SPSB1: variants seen among roughly 807,000 people sequenced by gnomAD.
SPSB1 encodes SPRY domain-containing SOCS box protein 1.
SPSB1 carries 8 observed loss-of-function variants against 21.2 expected under a neutral mutation model. The ratio of observed to expected loss-of-function variants is 0.38; its 90% CI spans 0.22 to 0.68. The LOEUF is 0.68. Among genes scored for constraint, SPSB1 ranks in the 30% least tolerant of loss-of-function variants. The probability of loss-of-function intolerance (pLI) is 0.53; values close to 1 mark genes in which losing one functional copy is unlikely to be tolerated. For synonymous variants in SPSB1, 169 were observed against 161.7 expected (o/e 1.05, Z -0.34); for missense variants, 242 against 377.8 (o/e 0.64, Z 2.98).
rs917812552 is a variant in SPSB1, at chr1:9,305,887, C to CA, written c.-150+12817dup. Among the ~76,000 whole-genome samples, 1 of 152,084 alleles carries CA rather than the reference C, an allele frequency of 6.6e-6. No individual in the cohort carries two copies. The highest frequency in any genetic ancestry group is 1.5e-5 in the Non-Finnish European group (1 of 68,012). ...TCAGGGTATCAGAGGACACTGGTGG[C>CA]AGGGGTGGCCAGGTTGGAAAGGCGG... On this transcript the variant is annotated intron_variant, in intron 1 of 2. Transcript: ENST00000328089. This position sits in a 1 kb window ranked among gnomAD's most constrained non-coding sequence, Gnocchi z 4.8.
chr1:9,368,970 T>G lies in SPSB1; in HGVS notation c.*1395T>G, dbSNP rs1640620657. 1 of 152,576 alleles carries G rather than the reference T, an allele frequency of 6.6e-6. No individual in the cohort carries two copies. The highest frequency in any genetic ancestry group is 1.5e-5 in the Non-Finnish European group (1 of 68,038). 9.5% of individuals were successfully genotyped at this position (152,576 alleles called of 1,614,324 possible). On this transcript the variant is annotated 3_prime_UTR_variant, in exon 3 of 3. Transcript: ENST00000328089. ...TCTTTGAGCTTGAAGTTAACTCTCT[T>G]AGAGTCTAACTTTGGTTCATTTCTG...
chr1:9,328,873 C>T (rs773217808), intron 1 of SPSB1, among the ~76,000 whole-genome samples: 11 of 152,186 alleles, frequency 7.2e-5, no homozygotes, highest in Non-Finnish European at 1.6e-4. Context: ...ATATCCCTGG[C>T]CCCCACCCAC....
Position 9,293,210 on chromosome 1 carries a change from G to A in SPSB1, c.-150+139G>A. 1 of 938,322 alleles carries A rather than the reference G, an allele frequency of 1.1e-6. No individual in the cohort carries two copies. The highest frequency in any genetic ancestry group is 1.3e-6 in the Non-Finnish European group (1 of 788,114). 58.1% of individuals were successfully genotyped at this position (938,322 alleles called of 1,614,324 possible). A position where few individuals can be genotyped will look rare whatever the true frequency, so the allele number is the denominator to read the frequency against. On this transcript the variant is annotated intron_variant, in intron 1 of 2. Transcript: ENST00000328089. The surrounding 1 kb of genome is among the most constrained non-coding windows in gnomAD (Gnocchi z 5.1). ...TGGGTGGCGCGGGGCCGGGCGCGGG[G>A]GAGCGGGTGGAGTACGGGATGGGGA...
Position 9,356,193 on chromosome 1 carries a change from A to T in SPSB1, c.302A>T (p.Gln101Leu), listed in dbSNP as rs768338858. 1 of 1,588,752 alleles carries T rather than the reference A, an allele frequency of 6.3e-7. No homozygotes were observed. Among genetic ancestry groups the T allele is most frequent in the Non-Finnish European group, 8.6e-7 (1 of 1,165,318 alleles). ...TATACCCGTGGGCTGCACGTGTGGC[A>T]GATCACGTGGGCCATGAGACAGCGG... ...VGYTRGLHVWQITWAMRQRGT... is the reference protein window; with the variant it reads ...VGYTRGLHVWLITWAMRQRGT... The change falls in exon 2 of 3, where the codon CAG (glutamine) becomes CTG (leucine). Residue 101 changes from glutamine (Q) to leucine (L), a missense_variant. Physicochemically the swap from Gln to Leu is moderately radical, Grantham distance 113. Coordinates refer to ENST00000328089, the MANE Select transcript of SPSB1 (RefSeq NM_025106.4). This position sits in a 1 kb window ranked among gnomAD's most constrained non-coding sequence, Gnocchi z 7.4.
intron 1 of SPSB1, among the ~76,000 whole-genome samples, chr1:9,349,383 G>T (rs1212628540): frequency 1.3e-5 from 2 of 152,388 alleles, no homozygotes; most frequent in South Asian, 4.1e-4. Flanking sequence ...GGCACGATGG[G>T]GCCAGAGCTG....
At chr1:9,306,032 C>T (rs1034464116) in intron 1 of SPSB1, among the ~76,000 whole-genome samples, 3 of 152,118 alleles carry the variant, frequency 2.0e-5, no homozygotes, top group Non-Finnish European at 4.4e-5. Flanking sequence ...GGAACGAAGG[C>T]GTGTTGGGGA....
At chr1:9,342,945 GTC>G (rs1320988079) in intron 1 of SPSB1, among the ~76,000 whole-genome samples, 2 of 152,182 alleles carry the variant, frequency 1.3e-5, no homozygotes, top group Non-Finnish European at 2.9e-5. Flanking sequence ...AAACAGCCAG[GTC>G]TCTGTAAGTT....
chr1:9,298,000 C>T (rs757702276), intron 1 of SPSB1, among the ~76,000 whole-genome samples: 7 of 152,170 alleles, frequency 4.6e-5, no homozygotes, highest in Admixed American at 2.6e-4. Context: ...TTAAATGCAA[C>T]GGGAGTAATT....
chr1:9,365,635 CCT>C (rs1046763761), intron 2 of SPSB1, among the ~76,000 whole-genome samples: 1 of 152,180 alleles, frequency 6.6e-6, no homozygotes, highest in Admixed American at 6.5e-5. Context: ...CCATAAGCAG[CCT>C]CTCTCCATTC....
rs373505803 is a variant in SPSB1, at chr1:9,356,245, G to A, written c.354G>A (p.Ala118=). The change falls in exon 2 of 3, where the codon GCG becomes GCA. Residue 118 remains alanine, a synonymous_variant. Transcript: ENST00000328089. This position sits in a 1 kb window ranked among gnomAD's most constrained non-coding sequence, Gnocchi z 7.4. Reference sequence around the variant, plus strand: ...GCACACACGCCGTGGTGGGGGTGGCGACGGCAGACGCCCCCCTGCACTCTG... The same window carrying A: ...GCACACACGCCGTGGTGGGGGTGGCAACGGCAGACGCCCCCCTGCACTCTG... The part of the protein sequence containing the change: ...QRGTHAVVGV[A]TADAPLHSVG... 49 of 1,607,584 alleles carry A rather than the reference G, an allele frequency of 3.0e-5. No homozygotes were observed. The highest frequency in any genetic ancestry group is 3.7e-5 in the Non-Finnish European group (44 of 1,176,070).
In SPSB1 at chr1:9,363,547, C is replaced by T. The variant is rs2100522624; in HGVS notation, c.695-3901C>T. Among the ~76,000 whole-genome samples the T allele has an allele frequency of 6.6e-6, 1 of 152,222 alleles. No individual in the cohort carries two copies. Among genetic ancestry groups the T allele is most frequent in the South Asian group, 2.1e-4 (1 of 4,816 alleles). On this transcript the variant is annotated intron_variant, in intron 2 of 2. Transcript: ENST00000328089. This position sits in a 1 kb window ranked among gnomAD's most constrained non-coding sequence, Gnocchi z 4.5. ...ACCTGTAACTCTCACCTCCCCAAGC[C>T]CATTTCCCTATCTGTAGGTTGGGGT... is the stretch of plus-strand genomic sequence containing the variant.
At chr1:9,314,923 A>G (rs1169358711) in intron 1 of SPSB1, among the ~76,000 whole-genome samples, 2 of 152,242 alleles carry the variant, frequency 1.3e-5, no homozygotes, top group South Asian at 2.1e-4. Flanking sequence ...TGTCCTGCAC[A>G]CAGGAGTGGC....
intron 1 of SPSB1, among the ~76,000 whole-genome samples, chr1:9,337,965 A>G (rs1393698951): frequency 6.6e-6 from 1 of 152,186 alleles, no homozygotes; most frequent in African/African-American, 2.4e-5. Flanking sequence ...TCTGCTGCCA[A>G]CGCTCTGGCC....
chr1:9,298,703 G>T (rs1639267199), intron 1 of SPSB1, among the ~76,000 whole-genome samples: 1 of 152,184 alleles, frequency 6.6e-6, no homozygotes, highest in Admixed American at 6.5e-5. Context: ...CAGAGAAGGG[G>T]CTTATGGAGG....
In SPSB1 at chr1:9,322,801, G is replaced by A. The variant is rs145096443; in HGVS notation, c.-150+29730G>A. Among the ~76,000 whole-genome samples, 227 of 152,328 alleles carry A rather than the reference G, an allele frequency of 1.5e-3. 1 individual carries two copies. The highest frequency in any genetic ancestry group is 2.3e-3 in the Non-Finnish European group (158 of 68,034). On this transcript the variant is annotated intron_variant, in intron 1 of 2. Transcript: ENST00000328089. ...TGTTCTGGCCGGTCTGATGGTCAGC[G>A]GGGGCAGGCAGCCCTGACGTGTAGG...
chr1:9,326,197 G>T (rs1249580027), intron 1 of SPSB1, among the ~76,000 whole-genome samples: 1 of 151,986 alleles, frequency 6.6e-6, no homozygotes, highest in Non-Finnish European at 1.5e-5. Context: ...TGGTGCTCAT[G>T]AGAAGACTTC....
chr1:9,334,256 T>A (rs2100495231), intron 1 of SPSB1, among the ~76,000 whole-genome samples: 1 of 152,138 alleles, frequency 6.6e-6, no homozygotes, highest in East Asian at 1.9e-4. Flanking sequence ...TGGCTAATTT[T>A]TGTATTTTTA....
chr1:9,340,331 C>T (rs887496342), intron 1 of SPSB1, among the ~76,000 whole-genome samples: 6 of 152,186 alleles, frequency 3.9e-5, no homozygotes, highest in Non-Finnish European at 8.8e-5. Flanking sequence ...CGGAGCCCCG[C>T]GGTCTGACTT....
rs1445519664 is a variant in SPSB1 at position 9,307,179 on chromosome 1, T to C, written c.-150+14108T>C. The stretch of plus-strand genomic sequence containing the variant: ...CTGACCTCAGGTGATCTGCCCGCTT[T>C]GGCCTCCCAAAGTGCTGGGATTACA... On this transcript the variant is annotated intron_variant, in intron 1 of 2. Transcript: ENST00000328089. Among the ~76,000 whole-genome samples, 4 of 152,180 alleles carry C rather than the reference T, an allele frequency of 2.6e-5. No homozygotes were observed. In the South Asian group the frequency reaches 6.2e-4, roughly 24 times the overall value.
Sources: allele counts gnomAD v4.1 joint callset (sites outside exome capture counted in the v4.1 genomes callset), GRCh38; gene constraint gnomAD v4.1.1; non-coding constraint Gnocchi (gnomAD v3.1); transcripts MANE v1.5; gene names NCBI Gene and HGNC (gene_info 2026-07-23, HGNC 2026-07-21).